C1orf185: variants seen among roughly 807,000 people sequenced by gnomAD.
C1orf185 encodes the protein chromosome 1 open reading frame 185.
A neutral mutation model predicts 16.1 loss-of-function variants in C1orf185; 13 were observed. The observed-to-expected ratio is 0.81, with a 90% CI of 0.53 to 1.28. The LOEUF (loss-of-function observed/expected upper bound fraction) is 1.28, where lower values mean the gene tolerates loss of function less well. Ranked by LOEUF, C1orf185 falls within the 50% of genes most tolerant of loss-of-function variation. The probability of loss-of-function intolerance (pLI) is 0.00; values close to 1 mark genes in which losing one functional copy is unlikely to be tolerated. For missense variants in C1orf185, 220 were observed against 225.2 expected (o/e 0.98, Z 0.15); for synonymous variants, 80 against 76.9 (o/e 1.04, Z -0.21).
intron 2 of C1orf185, among the ~76,000 whole-genome samples, chr1:51,114,927 C>G (rs971076306): frequency 1.3e-5 from 2 of 152,172 alleles, no homozygotes; most frequent in African/African-American, 4.8e-5. Context: ...ATGCTCCTTT[C>G]CAGGCATCAC....
chr1:51,111,390 GA>G (rs1273316612), intron 1 of C1orf185, among the ~76,000 whole-genome samples: 34 of 34,260 alleles, frequency 9.9e-4, no homozygotes, highest in Non-Finnish European at 1.7e-3. Context: ...TTTTTTTTTT[GA>G]GAGACAGGTT....
At chr1:51,104,970 ATT>A (rs374073717) in intron 1 of C1orf185, among the ~76,000 whole-genome samples, 4 of 142,224 alleles carry the variant, frequency 2.8e-5, no homozygotes, top group African/African-American at 5.1e-5. Flanking sequence ...TTTCTTCTCC[ATT>A]TTTTTTTTTT....
chr1:51,102,525 A>G, intron 1 of C1orf185: 1 of 231,496 alleles, frequency 4.3e-6, no homozygotes. Context: ...TTTTAGGTAT[A>G]TATTATTTTG....
chr1:51,121,662 C>T (rs1019043835), intron 3 of C1orf185, among the ~76,000 whole-genome samples: 1 of 152,098 alleles, frequency 6.6e-6, no homozygotes, highest in African/African-American at 2.4e-5. Flanking sequence ...ACAGGCAGAC[C>T]TCTATGGGGC....
chr1:51,106,239 G>A (rs988751028), intron 1 of C1orf185, among the ~76,000 whole-genome samples: 13 of 152,090 alleles, frequency 8.5e-5, no homozygotes, highest in African/African-American at 2.9e-4. Context: ...ATTTTTCTAA[G>A]ATATTCATGG....
intron 3 of C1orf185, among the ~76,000 whole-genome samples, chr1:51,137,264 G>A (rs1646332297): frequency 6.6e-6 from 1 of 152,134 alleles, no homozygotes; most frequent in African/African-American, 2.4e-5. Flanking sequence ...TAGACATGGT[G>A]GCTCATACCT....
chr1:51,134,877 G>T (rs142879996), intron 3 of C1orf185, among the ~76,000 whole-genome samples: 15 of 152,240 alleles, frequency 9.9e-5, no homozygotes, highest in African/African-American at 3.6e-4. Context: ...ACCAGAAAAA[G>T]CCCAGGACCA....
chr1:51,147,197 A>G (rs1646406304), intron 4 of C1orf185, among the ~76,000 whole-genome samples: 1 of 152,170 alleles, frequency 6.6e-6, no homozygotes, highest in East Asian at 1.9e-4. Context: ...AAATAAGGCA[A>G]TCAGTCTTTT....
intron 2 of C1orf185, among the ~76,000 whole-genome samples, chr1:51,114,072 G>A (rs1018851000): frequency 9.2e-5 from 14 of 152,224 alleles, no homozygotes; most frequent in Non-Finnish European, 1.6e-4. Flanking sequence ...GACATAGGAA[G>A]ACTTTGTGCA....
chr1:51,111,370 C>CTATTTTTTTTTTTTTTTTT (rs1646117799), intron 1 of C1orf185, among the ~76,000 whole-genome samples: 1 of 114,436 alleles, frequency 8.7e-6, no homozygotes. Context: ...AGCTTTCTTT[C>CTATTTTTTTTTTTTTTTTT]TTTCTTTTTT....
intron 3 of C1orf185, among the ~76,000 whole-genome samples, chr1:51,139,795 C>T (rs562874271): frequency 5.9e-5 from 9 of 152,110 alleles, no homozygotes; most frequent in African/African-American, 2.2e-4. Flanking sequence ...AACTCAAAAT[C>T]TTAGTGCTTT....
chr1:51,111,948 C>T (rs947384041), intron 1 of C1orf185, among the ~76,000 whole-genome samples: 7 of 152,182 alleles, frequency 4.6e-5, no homozygotes, highest in African/African-American at 1.4e-4. Flanking sequence ...AGGCATGAGC[C>T]GCCACGCCCA....
At chr1:51,121,179 G>T (rs1369585876) in intron 3 of C1orf185, among the ~76,000 whole-genome samples, 2 of 152,008 alleles carry the variant, frequency 1.3e-5, no homozygotes, top group Admixed American at 1.3e-4. Flanking sequence ...TATAATCACC[G>T]TGTTGTACAA....
At chr1:51,132,636 A>G (rs961044909) in intron 3 of C1orf185, among the ~76,000 whole-genome samples, 4 of 152,198 alleles carry the variant, frequency 2.6e-5, no homozygotes, top group Admixed American at 2.6e-4. Flanking sequence ...CCTGAAAGAG[A>G]TGGGGAGAAT....
At chr1:51,119,939 A>G (rs1262349291) in intron 3 of C1orf185, among the ~76,000 whole-genome samples, 3 of 152,218 alleles carry the variant, frequency 2.0e-5, no homozygotes, top group Admixed American at 6.5e-5. Context: ...CTAAATAAGT[A>G]CAACATCATA....
At chr1:51,148,353 C>T (rs1391506741), downstream of C1orf185, among the ~76,000 whole-genome samples, 2 of 152,096 alleles carry the variant, frequency 1.3e-5, no homozygotes, top group African/African-American at 4.8e-5. Flanking sequence ...GAACTCCTGA[C>T]CTCAAGTGAT....
intron 4 of C1orf185, 149 bp from the exon 5 acceptor site, chr1:51,147,318 A>G: frequency 1.7e-6 from 1 of 601,540 alleles, no homozygotes; most frequent in East Asian, 3.1e-5. Flanking sequence ...TCATGAAAAT[A>G]TTGCTAATTC....
intron 3 of C1orf185, among the ~76,000 whole-genome samples, chr1:51,131,530 G>T (rs1398377844): frequency 6.6e-6 from 1 of 152,028 alleles, no homozygotes; most frequent in Non-Finnish European, 1.5e-5. Flanking sequence ...TCCTAGCAGT[G>T]TGAGAAGCTG....
At chr1:51,136,704 C>G (rs898902069) in intron 3 of C1orf185, among the ~76,000 whole-genome samples, 1 of 152,134 alleles carries the variant, frequency 6.6e-6, no homozygotes, top group Non-Finnish European at 1.5e-5. Context: ...TAACCATATG[C>G]AGAAGACTGA....
Sources: allele counts gnomAD v4.1 joint callset (sites outside exome capture counted in the v4.1 genomes callset), GRCh38; gene constraint gnomAD v4.1.1; transcripts MANE v1.5; gene names NCBI Gene and HGNC (gene_info 2026-07-23, HGNC 2026-07-21).